The following MCTP2 variants were observed in gnomAD, a reference collection of about 807,000 sequenced individuals.
MCTP2 encodes multiple C2 and transmembrane domain containing 2, also known as multiple C2 and transmembrane domain-containing protein 2.
Under a neutral mutation model 111.6 loss-of-function variants are expected in MCTP2, and 132 were observed. That is an observed-to-expected ratio of 1.18 (90% CI 1.03 to 1.37). The LOEUF is 1.37. Among genes scored for constraint, MCTP2 ranks in the 40% most tolerant of loss-of-function variants. The pLI is 0.00. For synonymous variants in MCTP2, 395 were observed against 387.7 expected (o/e 1.02, Z -0.22); for missense variants, 1,183 against 1,067.9 (o/e 1.11, Z -1.50).
chr15:94,317,660 C>G (rs1331292332), intron 4 of MCTP2, among the ~76,000 whole-genome samples: 1 of 152,216 alleles, frequency 6.6e-6, no homozygotes, highest in Non-Finnish European at 1.5e-5. Context: ...TACCCTCCCA[C>G]TCCACCACTA....
intron 1 of MCTP2, among the ~76,000 whole-genome samples, chr15:94,242,637 C>A (rs148085903): frequency 3.0e-4 from 45 of 151,924 alleles, no homozygotes; most frequent in African/African-American, 8.7e-4. Context: ...GTCTATTTAC[C>A]CAACTTGAGG....
At chr15:94,478,781 AATG>A (rs1180320768) in intron 22 of MCTP2, among the ~76,000 whole-genome samples, 182 bp from the exon 23 acceptor site, 1 of 152,188 alleles carries the variant, frequency 6.6e-6, no homozygotes, top group Non-Finnish European at 1.5e-5. Context: ...GGTTTCAAGA[AATG>A]ATGCATGACT....
intron 1 of MCTP2, among the ~76,000 whole-genome samples, chr15:94,251,208 T>G (rs1335642717): frequency 6.6e-6 from 1 of 152,182 alleles, no homozygotes; most frequent in East Asian, 1.9e-4. Flanking sequence ...CCCTGACAAA[T>G]AAATATATCT....
intron 1 of MCTP2, among the ~76,000 whole-genome samples, chr15:94,275,560 C>T (rs75880860): frequency 6.6e-5 from 10 of 151,936 alleles, no homozygotes; most frequent in African/African-American, 9.7e-5. Context: ...TCTCCACTGT[C>T]TTTTTCTATT....
At chr15:94,330,281 G>T (rs2077071301) in intron 4 of MCTP2, among the ~76,000 whole-genome samples, 1 of 152,106 alleles carries the variant, frequency 6.6e-6, no homozygotes, top group Non-Finnish European at 1.5e-5. Context: ...ATAAAGGCTG[G>T]TGTCTATTTT....
At chr15:94,315,659 GT>G (rs758360143) in intron 4 of MCTP2, 22 bp downstream of exon 4, 5 of 1,568,876 alleles carry the variant, frequency 3.2e-6, no homozygotes, top group Non-Finnish European at 4.4e-6. Context: ...GTCTGTTATG[GT>G]GGGTGTAGCC....
intron 2 of MCTP2, 62 bp downstream of exon 2, chr15:94,298,792 T>TTCTCCCTCTCTCCCCG (rs1567355226): frequency 2.8e-6 from 3 of 1,070,466 alleles, no homozygotes; most frequent in Non-Finnish European, 3.8e-6. Flanking sequence ...TTCCCTCTCT[T>TTCTCCCTCTCTCCCCG]TCTCCCTCTC....
intron 1 of MCTP2, among the ~76,000 whole-genome samples, chr15:94,282,905 C>T (rs1394258132): frequency 6.6e-6 from 1 of 152,116 alleles, no homozygotes; most frequent in African/African-American, 2.4e-5. Context: ...GGTTAAGCAC[C>T]TGCTGTGCTG....
At chr15:94,387,858 A>G (rs1365260666) in intron 14 of MCTP2, among the ~76,000 whole-genome samples, 2 of 152,140 alleles carry the variant, frequency 1.3e-5, no homozygotes, top group African/African-American at 2.4e-5. Flanking sequence ...TTGAGTGGGA[A>G]CGTAAGGAGG....
At chr15:94,452,633 C>G (rs1198322738) in intron 19 of MCTP2, among the ~76,000 whole-genome samples, 1 of 152,152 alleles carries the variant, frequency 6.6e-6, no homozygotes, top group Non-Finnish European at 1.5e-5. Flanking sequence ...GTTGTTGGTG[C>G]TGAGAACACA....
intron 1 of MCTP2, among the ~76,000 whole-genome samples, chr15:94,289,121 A>G (rs931202430): frequency 6.6e-6 from 1 of 152,250 alleles, no homozygotes; most frequent in African/African-American, 2.4e-5. Flanking sequence ...GATGGCTGAA[A>G]CATTGATAGA....
intron 11 of MCTP2, 36 bp downstream of exon 11, chr15:94,367,827 C>T: frequency 6.6e-7 from 1 of 1,524,180 alleles, no homozygotes; most frequent in Non-Finnish European, 8.9e-7. Context: ...TCCCCCTCCT[C>T]CCACCTTCTC....
chr15:94,390,094 ATATATATATATATATATATG>A (rs2080836778), intron 14 of MCTP2, among the ~76,000 whole-genome samples: 1 of 12,118 alleles, frequency 8.3e-5, no homozygotes, highest in African/African-American at 2.1e-4. Flanking sequence ...ATATATGTAT[ATATATATATATATATATATG>A]TATATATATA....
At chr15:94,365,001 A>C (rs2079114157) in intron 10 of MCTP2, among the ~76,000 whole-genome samples, 1 of 152,190 alleles carries the variant, frequency 6.6e-6, no homozygotes, top group African/African-American at 2.4e-5. Flanking sequence ...GAAGAGTTAC[A>C]GAATGTTTAT....
At chr15:94,266,219 A>G (rs574150926) in intron 1 of MCTP2, among the ~76,000 whole-genome samples, 1 of 152,320 alleles carries the variant, frequency 6.6e-6, no homozygotes, top group Admixed American at 6.5e-5. Flanking sequence ...CTTGTGAGTC[A>G]CTGATCTATG....
intron 1 of MCTP2, among the ~76,000 whole-genome samples, chr15:94,286,283 C>T (rs1037372838): frequency 3.3e-5 from 5 of 152,078 alleles, no homozygotes; most frequent in South Asian, 2.1e-4. Flanking sequence ...TTACATTTGC[C>T]TTTATCTTTA....
At chr15:94,336,812 A>G (rs4984380) in intron 4 of MCTP2, among the ~76,000 whole-genome samples, 72,646 of 151,368 alleles carry the variant, frequency 0.48, 17,499 homozygotes, top group Admixed American at 0.53. Flanking sequence ...CAGGACACTC[A>G]GGCCATGAAT....
chr15:94,331,574 G>A (rs2152390935), intron 4 of MCTP2, among the ~76,000 whole-genome samples: 1 of 152,308 alleles, frequency 6.6e-6, no homozygotes, highest in East Asian at 1.9e-4. Flanking sequence ...CCTGCCTTAT[G>A]TCTCATTGTT....
chr15:94,239,093 T>C (rs934818039), intron 1 of MCTP2, among the ~76,000 whole-genome samples: 2 of 151,896 alleles, frequency 1.3e-5, no homozygotes, highest in African/African-American at 4.8e-5. Context: ...ACAAAAATGA[T>C]TGGGTAATGC....
Sources: allele counts gnomAD v4.1 joint callset (sites outside exome capture counted in the v4.1 genomes callset), GRCh38; gene constraint gnomAD v4.1.1; transcripts MANE v1.5; gene names NCBI Gene and HGNC (gene_info 2026-07-23, HGNC 2026-07-21).